The following LGALS9C variants were observed in gnomAD, a reference collection of about 807,000 sequenced individuals.
The protein encoded by LGALS9C is galectin 9C.
In LGALS9C, 7 loss-of-function variants were observed where a neutral mutation model predicts 41.3. The ratio of observed to expected loss-of-function variants is 0.17; its 90% CI spans 0.10 to 0.32. The LOEUF is 0.32. LGALS9C is among the 10% of genes least tolerant of loss of function. The pLI is 1.00. For missense variants in LGALS9C, 102 were observed against 455.2 expected (o/e 0.22, Z 7.06); for synonymous variants, 44 against 171.0 (o/e 0.26, Z 5.80).
intron 8 of LGALS9C, 119 bp from the exon 9 acceptor site, chr17:18,492,338 A>G: frequency 7.7e-7 from 1 of 1,293,606 alleles, no homozygotes; most frequent in Non-Finnish European, 1.1e-6. Context: ...CCAAGGAAAG[A>G]TATCGTGGGC....
chr17:18,482,567 A>G (rs1483561373), intron 1 of LGALS9C, among the ~76,000 whole-genome samples: 1 of 146,554 alleles, frequency 6.8e-6, no homozygotes, highest in Non-Finnish European at 1.5e-5. Flanking sequence ...AAGTTCTGCC[A>G]ATACTAAGCC....
At chr17:18,484,959 G>T (rs201937860) in intron 2 of LGALS9C, among the ~76,000 whole-genome samples, 6,605 of 126,438 alleles carry the variant, frequency 0.052, 34 homozygotes, top group African/African-American at 0.12. Flanking sequence ...CTCTCCCTCT[G>T]TTTCCCCCAC....
chr17:18,482,583 G>A (rs1348879759), intron 1 of LGALS9C, among the ~76,000 whole-genome samples: 3 of 146,828 alleles, frequency 2.0e-5, no homozygotes, highest in Middle Eastern at 3.5e-3. Context: ...AAGCCCAGAC[G>A]GTAATCATTG....
Position 18,479,533 on chromosome 17 carries a change from T to C in LGALS9C, c.39+2640T>C, listed in dbSNP as rs1165327031. ...TGCCCTGCCATTCAGAGGAGGGAAGTGGGGCACAGGCAGGTCAAGTGACTT... is the reference window on the plus strand; with the variant it reads ...TGCCCTGCCATTCAGAGGAGGGAAGCGGGGCACAGGCAGGTCAAGTGACTT... On this transcript the variant is annotated intron_variant, in intron 1 of 10. Coordinates refer to ENST00000328114, the MANE Select transcript of LGALS9C (RefSeq NM_001040078.3). Among the ~76,000 whole-genome samples the C allele has an allele frequency of 7.4e-3, 921 of 124,532 alleles. 66 individuals are homozygous for C. Among genetic ancestry groups the C allele is most frequent in the Middle Eastern group, 0.031 (8 of 256 alleles). 81.7% of individuals were successfully genotyped at this position (124,532 alleles called of 152,430 possible).
chr17:18,482,475 A>G (rs2151663870), intron 1 of LGALS9C, among the ~76,000 whole-genome samples: 1 of 127,270 alleles, frequency 7.9e-6, no homozygotes, highest in South Asian at 2.5e-4. Context: ...CTTTTTGACA[A>G]AAGATTTCCC....
chr17:18,487,790 G>C (rs368179656), intron 4 of LGALS9C, 33 bp downstream of exon 4: 4 of 1,580,360 alleles, frequency 2.5e-6, no homozygotes, highest in Non-Finnish European at 2.6e-6. Context: ...GGTCCCAGGG[G>C]CTGGGATGCA....
chr17:18,492,436 C>T (rs1445322487), intron 8 of LGALS9C, 21 bp from the exon 9 acceptor site: 2 of 1,510,142 alleles, frequency 1.3e-6, no homozygotes, highest in Admixed American at 1.7e-5. Context: ...ACTGGCTGAC[C>T]TGTCCCCGTC....
At chr17:18,484,426 C>A (rs1989513703) in intron 2 of LGALS9C, 1 of 193,542 alleles carries the variant, frequency 5.2e-6, no homozygotes, top group East Asian at 1.2e-4. Flanking sequence ...TAAGTCCATT[C>A]AAAATACTAA....
chr17:18,488,802 G>A lies in LGALS9C; in HGVS notation c.445-139G>A, dbSNP rs1380790301. On this transcript the variant is annotated intron_variant, in intron 4 of 10. Transcript: ENST00000328114. Reference sequence around the variant, plus strand: ...CCGAAGCCTGGCCCTTTCCGCTCCCGCCTCCGTGTGGCCCTAACCCCCTTG... The same window carrying A: ...CCGAAGCCTGGCCCTTTCCGCTCCCACCTCCGTGTGGCCCTAACCCCCTTG... 2.5e-5 allele frequency: 31 copies of A among 1,263,088 alleles called. 4 individuals carry two copies. Among genetic ancestry groups the A allele is most frequent in the Non-Finnish European group, 2.6e-5 (24 of 907,892 alleles). 78.2% of individuals were successfully genotyped at this position (1,263,088 alleles called of 1,614,324 possible).
chr17:18,492,423 G>C, intron 8 of LGALS9C, 34 bp from the exon 9 acceptor site: 1 of 1,509,306 alleles, frequency 6.6e-7, no homozygotes, highest in Non-Finnish European at 9.1e-7. Flanking sequence ...TGCCCTGACT[G>C]CCACTGGCTG....
rs147613673 is a variant in LGALS9C, at chr17:18,486,075, G to A, written c.273G>A (p.Met91Ile). 1.3e-5 allele frequency: 17 copies of A among 1,276,426 alleles called. 2 individuals are homozygous for A. In the African/African-American group the frequency reaches 1.5e-4, roughly 11 times the overall value. The allele number at this position is 1,276,426 out of a possible 1,614,324, so 79.1% of individuals were successfully genotyped here. A position where few individuals can be genotyped will look rare whatever the true frequency, so the allele number is the denominator to read the frequency against. Residue 91 changes from methionine to isoleucine, a missense_variant, in exon 3 of 11, where the codon ATG becomes ATA. Met to Ile is a conservative substitution (Grantham distance 10). Coordinates refer to ENST00000328114, the MANE Select transcript of LGALS9C (RefSeq NM_001040078.3). ...GGCCCGAGGAGAGGAAGATGCACAT[G>A]CCCTTCCAGAAGGGGATGCCCTTTG... ...TWGPEERKMH[M>I]PFQKGMPFDL...
intron 1 of LGALS9C, among the ~76,000 whole-genome samples, chr17:18,482,574 A>T (rs1989435646): frequency 6.8e-6 from 1 of 146,724 alleles, no homozygotes; most frequent in African/African-American, 2.4e-5. Context: ...GCCAATACTA[A>T]GCCCAGACGG....
At chr17:18,488,821 C>T in intron 4 of LGALS9C, 120 bp from the exon 5 acceptor site, 2 of 1,303,226 alleles carry the variant, frequency 1.5e-6, no homozygotes, top group South Asian at 1.3e-5. Flanking sequence ...TGGCCCTAAC[C>T]CCCTTGCTGC....
At position 18,486,055 on chromosome 17, in the gene LGALS9C, G is replaced by C; in HGVS notation, c.253G>C (p.Glu85Gln). The C allele has an allele frequency of 2.3e-6, 3 of 1,278,884 alleles. 1 individual carries two copies. Among genetic ancestry groups the C allele is most frequent in the Non-Finnish European group, 3.3e-6 (3 of 907,948 alleles). 79.2% of individuals were successfully genotyped at this position (1,278,884 alleles called of 1,614,324 possible). ...GAGGCAGAAAGGAACATGGGGGCCC[G>C]AGGAGAGGAAGATGCACATGCCCTT... ...NTRQKGTWGP[E>Q]ERKMHMPFQK... The change falls in exon 3 of 11, where the codon GAG becomes CAG. Residue 85 changes from glutamate to glutamine, a missense_variant. Glu to Gln is a conservative substitution (Grantham distance 29). Coordinates refer to ENST00000328114, the MANE Select transcript of LGALS9C (RefSeq NM_001040078.3).
chr17:18,484,803 C>T (rs1451566407), intron 2 of LGALS9C, among the ~76,000 whole-genome samples: 2 of 150,986 alleles, frequency 1.3e-5, no homozygotes, highest in African/African-American at 2.4e-5. Context: ...TGACCTCCTC[C>T]GCCATTGCCA....
chr17:18,484,214 G>A (rs1989504594), intron 2 of LGALS9C: 1 of 382,352 alleles, frequency 2.6e-6, no homozygotes, highest in Admixed American at 3.7e-5. Context: ...AGGAAGGAGT[G>A]GGATGGTCAG....
chr17:18,493,212 C>T (rs1457777348), intron 10 of LGALS9C, among the ~76,000 whole-genome samples: 1 of 121,676 alleles, frequency 8.2e-6, no homozygotes, highest in African/African-American at 2.8e-5. Flanking sequence ...GCAGGAAGCA[C>T]TCCACATGCT....
intron 4 of LGALS9C, 69 bp downstream of exon 4, chr17:18,487,826 C>A: frequency 6.3e-7 from 1 of 1,578,054 alleles, no homozygotes; most frequent in South Asian, 1.1e-5. Context: ...GTGCTTAGGC[C>A]CAGCTGGGGG....
intron 9 of LGALS9C, 65 bp downstream of exon 9, chr17:18,492,610 C>T: frequency 6.4e-7 from 1 of 1,571,680 alleles, no homozygotes; most frequent in East Asian, 2.2e-5. Context: ...CAGCCATTCC[C>T]CTGGCTTTTG....
Sources: allele counts gnomAD v4.1 joint callset (sites outside exome capture counted in the v4.1 genomes callset), GRCh38; gene constraint gnomAD v4.1.1; transcripts MANE v1.5; gene names NCBI Gene and HGNC (gene_info 2026-07-23, HGNC 2026-07-21).